Variants in FAM135B observed in about 807,000 individuals in gnomAD.
FAM135B encodes the protein family with sequence similarity 135 member B, also known as protein FAM135B.
FAM135B carries 43 observed loss-of-function variants against 127.7 expected under a neutral mutation model. The observed-to-expected ratio is 0.34, with a 90% CI of 0.26 to 0.43. The LOEUF is 0.43. Among genes scored for constraint, FAM135B ranks in the 20% least tolerant of loss-of-function variants. The pLI is 1.00. For missense variants in FAM135B, 1,558 were observed against 1,725.6 expected, an observed-to-expected ratio of 0.90 and a Z score of 1.72; for synonymous variants, 670 against 665.1, an observed-to-expected ratio of 1.01 and a Z score of -0.11.
At chr8:138,232,249 G>C (rs866629430) in intron 7 of FAM135B, among the ~76,000 whole-genome samples, 4 of 88,866 alleles carry the variant, frequency 4.5e-5, no homozygotes, top group Middle Eastern at 4.9e-3. Flanking sequence ...GGACATAGTG[G>C]GGGGGAGCCC....
chr8:138,245,477 G>T (rs1437754281), intron 6 of FAM135B, among the ~76,000 whole-genome samples: 1 of 152,136 alleles, frequency 6.6e-6, no homozygotes, highest in African/African-American at 2.4e-5. Context: ...GGTTTTATAA[G>T]GGGCTTTCCC....
intron 1 of FAM135B, among the ~76,000 whole-genome samples, chr8:138,463,373 G>GGAAC (rs1157331551): frequency 1.3e-5 from 2 of 152,180 alleles, no homozygotes; most frequent in Admixed American, 6.5e-5. Context: ...ACTGAATCAA[G>GGAAC]GAACTCAAGA....
At chr8:138,143,357 G>C (rs1202579711) in intron 15 of FAM135B, among the ~76,000 whole-genome samples, 1 of 152,206 alleles carries the variant, frequency 6.6e-6, no homozygotes, top group Non-Finnish European at 1.5e-5. Flanking sequence ...TAGCAAGCTT[G>C]TGGTGCCGAC....
chr8:138,136,918 A>G (rs1816711362), intron 19 of FAM135B, among the ~76,000 whole-genome samples: 1 of 152,224 alleles, frequency 6.6e-6, no homozygotes, highest in East Asian at 1.9e-4. Flanking sequence ...GGCACACAAT[A>G]GGACTGAACA....
At chr8:138,400,503 A>G (rs377155959) in intron 1 of FAM135B, among the ~76,000 whole-genome samples, 23 of 152,108 alleles carry the variant, frequency 1.5e-4, no homozygotes, top group Admixed American at 4.6e-4. Flanking sequence ...CATTAGAATG[A>G]TGTGGGAGGA....
chr8:138,290,002 TGTG>T (rs1276068682), intron 3 of FAM135B, among the ~76,000 whole-genome samples: 1 of 152,134 alleles, frequency 6.6e-6, no homozygotes, highest in Non-Finnish European at 1.5e-5. Flanking sequence ...CCAGGCCAAA[TGTG>T]GAGCCTAAAA....
At chr8:138,441,966 G>C (rs113796219) in intron 1 of FAM135B, among the ~76,000 whole-genome samples, 3 of 151,742 alleles carry the variant, frequency 2.0e-5, no homozygotes, top group Non-Finnish European at 4.4e-5. Flanking sequence ...AGAGAGAAGT[G>C]TTGGGAAATC....
intron 2 of FAM135B, among the ~76,000 whole-genome samples, chr8:138,365,655 C>T (rs1280258639): frequency 6.6e-6 from 1 of 152,006 alleles, no homozygotes; most frequent in Non-Finnish European, 1.5e-5. Context: ...TAGTATGCTT[C>T]CATTATTAAT....
At chr8:138,161,204 C>T (rs991675486) in intron 12 of FAM135B, among the ~76,000 whole-genome samples, 1 of 147,948 alleles carries the variant, frequency 6.8e-6, no homozygotes, top group Non-Finnish European at 1.5e-5. Flanking sequence ...CTTTGTGGCA[C>T]TCAGACCACA....
intron 1 of FAM135B, among the ~76,000 whole-genome samples, chr8:138,473,622 C>G (rs772644635): frequency 6.6e-6 from 1 of 152,140 alleles, no homozygotes; most frequent in Non-Finnish European, 1.5e-5. Flanking sequence ...TATCCTCATC[C>G]TGAAAAGCAA....
chr8:138,167,431 G>T (rs911700861), intron 12 of FAM135B, among the ~76,000 whole-genome samples: 3 of 152,142 alleles, frequency 2.0e-5, no homozygotes, highest in African/African-American at 7.2e-5. Context: ...CCTGACCTCA[G>T]TTGATCTGCC....
rs1038086495 is a variant in FAM135B at position 138,141,786 on chromosome 8, G to A, written c.3639-437C>T. On this transcript the variant is annotated intron_variant, in intron 16 of 19. Coordinates refer to ENST00000395297, the MANE Select transcript of FAM135B (RefSeq NM_015912.4). This position sits in a 1 kb window ranked among gnomAD's most constrained non-coding sequence, Gnocchi z 4.7. Reference sequence around the variant, plus strand: ...ATGCCATTCATCCTCTCCTTCACCCGCTGTGTATATATTGAACCACCTGCT... The same window carrying A: ...ATGCCATTCATCCTCTCCTTCACCCACTGTGTATATATTGAACCACCTGCT... Among the ~76,000 whole-genome samples the A allele has an allele frequency of 4.5e-4, 68 of 151,776 alleles. No homozygotes were observed. The highest frequency in any genetic ancestry group is 9.7e-5 in the African/African-American group (4 of 41,296).
chr8:138,470,558 C>T (rs762254218), intron 1 of FAM135B, among the ~76,000 whole-genome samples: 3 of 152,110 alleles, frequency 2.0e-5, no homozygotes, highest in East Asian at 3.8e-4. Flanking sequence ...GATTTCTATT[C>T]GTTGTGTAAT....
At chr8:138,397,930 C>T (rs1029640974) in intron 1 of FAM135B, among the ~76,000 whole-genome samples, 1 of 152,138 alleles carries the variant, frequency 6.6e-6, no homozygotes, top group Admixed American at 6.5e-5. Context: ...TGGAGATTCC[C>T]TTCTCCTGAC....
At position 138,243,703 on chromosome 8, in the gene FAM135B, A is replaced by G. The variant is rs571269401; in HGVS notation, c.543-635T>C. On this transcript the variant is annotated intron_variant, in intron 6 of 19. Transcript: ENST00000395297. The surrounding 1 kb of genome is among the most constrained non-coding windows in gnomAD (Gnocchi z 7.5). Reference sequence around the variant, plus strand: ...TGGCAATGATCAATTTCAGGATCAAAGGAGATTAGGAAAAGATGTGTGATT... The same window carrying G: ...TGGCAATGATCAATTTCAGGATCAAGGGAGATTAGGAAAAGATGTGTGATT... Among the ~76,000 whole-genome samples, 7 of 152,364 alleles carry G rather than the reference A, an allele frequency of 4.6e-5. No homozygotes were observed. The East Asian group carries it at 1.3e-3, about 29-fold the overall frequency.
At chr8:138,438,061 A>G (rs1835554123) in intron 1 of FAM135B, 2 of 152,202 alleles carry the variant, frequency 1.3e-5, no homozygotes, top group Non-Finnish European at 2.9e-5. Flanking sequence ...GAGTACAAAA[A>G]CAGTCACCTT....
intron 1 of FAM135B, among the ~76,000 whole-genome samples, chr8:138,419,431 T>C (rs1834359670): frequency 6.6e-6 from 1 of 152,060 alleles, no homozygotes; most frequent in South Asian, 2.1e-4. Context: ...CCCCTACTGA[T>C]AGTATTAGAC....
intron 1 of FAM135B, among the ~76,000 whole-genome samples, chr8:138,436,016 A>G (rs1024683154): frequency 1.3e-5 from 2 of 152,190 alleles, no homozygotes; most frequent in African/African-American, 4.8e-5. Flanking sequence ...AGACTATACT[A>G]TCTGTGACAG....
intron 7 of FAM135B, among the ~76,000 whole-genome samples, chr8:138,233,153 C>A (rs1239735281): frequency 6.6e-6 from 1 of 152,134 alleles, no homozygotes; most frequent in Non-Finnish European, 1.5e-5. Context: ...AAGCTGCAGG[C>A]ATCACACTTC....
Sources: allele counts gnomAD v4.1 joint callset (sites outside exome capture counted in the v4.1 genomes callset), GRCh38; gene constraint gnomAD v4.1.1; non-coding constraint Gnocchi (gnomAD v3.1); transcripts MANE v1.5; gene names NCBI Gene and HGNC (gene_info 2026-07-23, HGNC 2026-07-21).